MIPOL1: variants seen among roughly 807,000 people sequenced by gnomAD.
The protein encoded by MIPOL1 is mirror-image polydactyly 1.
A neutral mutation model predicts 60.9 loss-of-function variants in MIPOL1; 57 were observed. The observed-to-expected ratio is 0.94, with a 90% CI of 0.76 to 1.17. The LOEUF (loss-of-function observed/expected upper bound fraction) is 1.17. Among genes scored for constraint, MIPOL1 ranks in the 50% most tolerant of loss-of-function variants. The pLI, the probability that MIPOL1 is intolerant of heterozygous loss-of-function variation, is 0.00. For synonymous variants in MIPOL1, 179 were observed against 168.8 expected (o/e 1.06, Z -0.47); for missense variants, 551 against 511.6 (o/e 1.08, Z -0.74).
intron 10 of MIPOL1, among the ~76,000 whole-genome samples, chr14:37,412,523 A>G (rs1244334747): frequency 6.6e-6 from 1 of 152,150 alleles, no homozygotes; most frequent in Non-Finnish European, 1.5e-5. Flanking sequence ...AACATGGGTG[A>G]ATCTCACAAG....
chr14:37,550,273 G>A lies in MIPOL1; in HGVS notation c.*3302G>A, dbSNP rs1044708164. The A allele has an allele frequency of 5.3e-5, 8 of 150,648 alleles. No individual in the cohort carries two copies. The highest frequency in any genetic ancestry group is 9.7e-5 in the African/African-American group (4 of 41,184). The allele number at this position is 150,648 out of a possible 1,614,324, so 9.3% of individuals were successfully genotyped here. A position where few individuals can be genotyped will look rare whatever the true frequency, so the allele number is the denominator to read the frequency against. On this transcript the variant is annotated 3_prime_UTR_variant, in exon 13 of 13. Coordinates refer to ENST00000684589, the MANE Select transcript of MIPOL1 (RefSeq NM_001388067.1). The stretch of plus-strand genomic sequence containing the variant: ...TACTTTTAATATTGAATATAGTTTC[G>A]TAGAAAAACATTTTATATGTACTAT...
chr14:37,299,978 G>T (rs1396186453), intron 7 of MIPOL1, among the ~76,000 whole-genome samples: 1 of 151,920 alleles, frequency 6.6e-6, no homozygotes, highest in Non-Finnish European at 1.5e-5. Context: ...CTCAATTTGG[G>T]TTTGCCTCAT....
At chr14:37,459,035 G>A (rs1374621570) in intron 11 of MIPOL1, among the ~76,000 whole-genome samples, 2 of 151,864 alleles carry the variant, frequency 1.3e-5, no homozygotes, top group African/African-American at 2.4e-5. Flanking sequence ...AAAGTTTATA[G>A]CATTGAATGT....
intron 7 of MIPOL1, among the ~76,000 whole-genome samples, chr14:37,306,032 G>A (rs1165312399): frequency 6.6e-6 from 1 of 151,702 alleles, no homozygotes; most frequent in Non-Finnish European, 1.5e-5. Flanking sequence ...CATGTGCCAG[G>A]GATCTGGAAT....
Position 37,443,452 on chromosome 14 carries a change from C to G in MIPOL1, c.1031+20503C>G, listed in dbSNP as rs569532925. ...CCAGCCTGGGTGACAGAGAGACTATCTCACCAAAAAAAAAAAAAAAAAAAA... is the reference window on the plus strand; with the variant it reads ...CCAGCCTGGGTGACAGAGAGACTATGTCACCAAAAAAAAAAAAAAAAAAAA... On this transcript the variant is annotated intron_variant, in intron 11 of 12. Coordinates refer to ENST00000684589, the MANE Select transcript of MIPOL1 (RefSeq NM_001388067.1). Among the ~76,000 whole-genome samples, 73 of 84,108 alleles carry G rather than the reference C, an allele frequency of 8.7e-4. 2 individuals are homozygous for G. Among genetic ancestry groups the G allele is most frequent in the African/African-American group, 3.8e-3 (70 of 18,238 alleles). 55.2% of individuals were successfully genotyped at this position (84,108 alleles called of 152,430 possible).
At chr14:37,551,932 A>G (rs2095562493), downstream of MIPOL1, 8 of 150,956 alleles carry the variant, frequency 5.3e-5, no homozygotes, top group Admixed American at 4.6e-4. Context: ...ACTGACTCAA[A>G]TCTACCATAA....
At chr14:37,442,088 TTGTG>T (rs3985271) in intron 11 of MIPOL1, among the ~76,000 whole-genome samples, 11,161 of 143,690 alleles carry the variant, frequency 0.078, 561 homozygotes, top group African/African-American at 0.14. Context: ...TTCTACTTTG[TTGTG>T]TGTGTGTGTG....
intron 3 of MIPOL1, among the ~76,000 whole-genome samples, chr14:37,262,959 A>G (rs1410891494): frequency 6.6e-6 from 1 of 152,180 alleles, no homozygotes; most frequent in Non-Finnish European, 1.5e-5. Context: ...GAGAATCCCT[A>G]TTTGATTCTA....
chr14:37,472,384 A>T (rs866794716), intron 11 of MIPOL1, among the ~76,000 whole-genome samples: 1 of 152,256 alleles, frequency 6.6e-6, no homozygotes. Flanking sequence ...CATTTTTAGT[A>T]TAAAAATATA....
At chr14:37,244,073 TTTTTC>T (rs1257055315) in intron 1 of MIPOL1, among the ~76,000 whole-genome samples, 1 of 150,782 alleles carries the variant, frequency 6.6e-6, no homozygotes, top group Non-Finnish European at 1.5e-5. Flanking sequence ...TTATTATTTA[TTTTTC>T]TTTTCTTCCA....
At chr14:37,235,943 T>C (rs1353012387) in intron 1 of MIPOL1, among the ~76,000 whole-genome samples, 1 of 152,100 alleles carries the variant, frequency 6.6e-6, no homozygotes, top group Non-Finnish European at 1.5e-5. Flanking sequence ...TTTTTTTTTT[T>C]TGAGACGAAC....
rs1256378925 is a variant in MIPOL1 at position 37,247,183 on chromosome 14, A to AAGCTT, written c.-116_-112dup. On this transcript the variant is annotated 5_prime_UTR_variant, in exon 2 of 13. An upstream open reading frame in the 5' UTR gains an earlier in-frame stop. Transcript: ENST00000684589. ...TATTTAGAGAAAATTGGAAAAGGAG[A>AAGCTT]AGCTTACTACAGCTTTATTTGAGGA... 1.3e-5 allele frequency: 2 copies of AAGCTT among 152,492 alleles called. No individual in the cohort carries two copies. The highest frequency in any genetic ancestry group is 6.6e-5 in the Admixed American group (1 of 15,240). The allele number at this position is 152,492 out of a possible 1,614,324, so 9.4% of individuals were successfully genotyped here.
chr14:37,238,767 C>T (rs370219625), intron 1 of MIPOL1, among the ~76,000 whole-genome samples: 153 of 145,548 alleles, frequency 1.1e-3, no homozygotes, highest in African/African-American at 3.5e-3. Flanking sequence ...CTGGGCAACA[C>T]GGTGAAACCC....
chr14:37,419,678 G>C (rs2093836019), intron 10 of MIPOL1, among the ~76,000 whole-genome samples: 1 of 151,906 alleles, frequency 6.6e-6, no homozygotes, highest in African/African-American at 2.4e-5. Context: ...TGTTTTCTTT[G>C]GCGCTGGGAA....
At position 37,233,417 on chromosome 14, in the gene MIPOL1, G is replaced by T. The variant is rs545849727; in HGVS notation, c.-198-13686G>T. Among the ~76,000 whole-genome samples, 4 of 152,232 alleles carry T rather than the reference G, an allele frequency of 2.6e-5. No individual in the cohort carries two copies. In the East Asian group the frequency reaches 7.7e-4, roughly 29 times the overall value. On this transcript the variant is annotated intron_variant, in intron 1 of 12. Transcript: ENST00000684589. ...AGTTTATGGAAAAATGGAATTAAAA[G>T]ATAAAAAATATAAACTTTATTTCTC...
At chr14:37,276,610 T>G (rs915990970) in intron 6 of MIPOL1, 3 of 151,164 alleles carry the variant, frequency 2.0e-5, no homozygotes. Context: ...CAAGAGTTAA[T>G]TTTCTTTACC....
intron 7 of MIPOL1, among the ~76,000 whole-genome samples, chr14:37,299,922 G>A (rs1467862969): frequency 2.0e-5 from 3 of 151,924 alleles, no homozygotes; most frequent in Non-Finnish European, 2.9e-5. Context: ...TTAAGACCTT[G>A]ATAGTTTTGA....
At chr14:37,439,279 C>G (rs2094206555) in intron 11 of MIPOL1, among the ~76,000 whole-genome samples, 1 of 151,958 alleles carries the variant, frequency 6.6e-6, no homozygotes, top group East Asian at 1.9e-4. Context: ...GTATATGAAC[C>G]AATAAGATTC....
chr14:37,491,699 T>C (rs2095050233), intron 11 of MIPOL1, among the ~76,000 whole-genome samples: 1 of 151,958 alleles, frequency 6.6e-6, no homozygotes, highest in African/African-American at 2.4e-5. Context: ...TATTGACAAC[T>C]TATCCAGTTT....
Sources: allele counts gnomAD v4.1 joint callset (sites outside exome capture counted in the v4.1 genomes callset), GRCh38; gene constraint gnomAD v4.1.1; transcripts MANE v1.5; gene names NCBI Gene and HGNC (gene_info 2026-07-23, HGNC 2026-07-21).